SLC12A3: variants seen among roughly 807,000 people sequenced by gnomAD.
The protein encoded by SLC12A3 is Na-Cl cotransporter.
A neutral mutation model predicts 121.0 loss-of-function variants in SLC12A3; 104 were observed. The observed-to-expected ratio is 0.86, with a 90% confidence interval of 0.73 to 1.01. The LOEUF is 1.01. SLC12A3 is among the 50% of genes least tolerant of loss of function. The pLI, the probability that SLC12A3 is intolerant of heterozygous loss-of-function variation, is 0.00. For missense variants in SLC12A3, 1,328 were observed against 1,356.3 expected (o/e 0.98, Z 0.33); for synonymous variants, 536 against 533.4 (o/e 1.00, Z -0.07).
intron 19 of SLC12A3, among the ~76,000 whole-genome samples, chr16:56,890,841 G>A (rs1237850239): frequency 6.6e-6 from 1 of 150,806 alleles, no homozygotes; most frequent in Non-Finnish European, 1.5e-5. Flanking sequence ...GGTGGATGTT[G>A]CAGTGAGCCA....
intron 3 of SLC12A3, among the ~76,000 whole-genome samples, chr16:56,868,656 C>A (rs1423419621): frequency 9.2e-5 from 14 of 152,312 alleles, no homozygotes; most frequent in African/African-American, 3.4e-4. Context: ...TACCTCAAAG[C>A]GTGCAGGTTA....
intron 25 of SLC12A3, 32 bp downstream of exon 25, chr16:56,904,494 T>C (rs764180392): frequency 1.2e-6 from 2 of 1,603,620 alleles, no homozygotes; most frequent in Non-Finnish European, 1.7e-6. Context: ...GGAGGACCAG[T>C]CTGTCCAGAG....
At position 56,904,461 on chromosome 16, in the gene SLC12A3, A is replaced by G. The variant is rs1252949429; in HGVS notation, c.2923A>G (p.Ile975Val). ...CTCCCGAGACGCTGCTCTCATCGTCATGTAAGTAGTGCCCGGCTGGTGGGA... is the reference window on the plus strand; with the variant it reads ...CTCCCGAGACGCTGCTCTCATCGTCGTGTAAGTAGTGCCCGGCTGGTGGGA... ...DYSRDAALIV[I>V]TLPIGRKGKC... Residue 975 changes from isoleucine to valine, a missense_variant and splice_region_variant, in exon 25 of 26, where the codon ATC becomes GTC. Physicochemically the swap from Ile to Val is conservative, Grantham distance 29. Coordinates refer to ENST00000563236, the MANE Select transcript of SLC12A3 (RefSeq NM_001126108.2). 1 of 1,613,652 alleles carries G rather than the reference A, an allele frequency of 6.2e-7. No individual in the cohort carries two copies. Among genetic ancestry groups the G allele is most frequent in the African/African-American group, 1.3e-5 (1 of 75,018 alleles).
intron 24 of SLC12A3, 126 bp from the exon 25 acceptor site, chr16:56,904,269 T>C (rs780569035): frequency 1.1e-6 from 1 of 916,466 alleles, no homozygotes; most frequent in African/African-American, 1.6e-5. Context: ...TAAGAATTTA[T>C]GAGGCAGCAG....
At position 56,902,252 on chromosome 16, in the gene SLC12A3, C is replaced by A; in HGVS notation, c.2721-121C>A. Reference sequence around the variant, plus strand: ...AAGCCACTTTGTAAATGGCAGTGTCCGATGGGTTTCAGCCTGAAAATGGGA... The same window carrying A: ...AAGCCACTTTGTAAATGGCAGTGTCAGATGGGTTTCAGCCTGAAAATGGGA... On this transcript the variant is annotated intron_variant, in intron 23 of 25. Coordinates refer to ENST00000563236, the MANE Select transcript of SLC12A3 (RefSeq NM_001126108.2). 3.9e-6 allele frequency: 5 copies of A among 1,270,162 alleles called. No homozygotes were observed. In the South Asian group the frequency reaches 4.9e-5, roughly 12 times the overall value. The allele number at this position is 1,270,162 out of a possible 1,614,324, so 78.7% of individuals were successfully genotyped here. A position where few individuals can be genotyped will look rare whatever the true frequency, so the allele number is the denominator to read the frequency against.
rs1378916616 is a variant in SLC12A3 at position 56,913,607 on chromosome 16, T to C, written c.*202T>C. ...GGACACATTCCCTGGGTCTTGTGTT[T>C]ATAGGCTAGAGAAATAGCAGATGGA... On this transcript the variant is annotated 3_prime_UTR_variant, in exon 26 of 26. Coordinates refer to ENST00000563236, the MANE Select transcript of SLC12A3 (RefSeq NM_001126108.2). The C allele has an allele frequency of 1.5e-6, 1 of 645,550 alleles. No homozygotes were observed. Among genetic ancestry groups the C allele is most frequent in the African/African-American group, 1.8e-5 (1 of 55,836 alleles). 40.0% of individuals were successfully genotyped at this position (645,550 alleles called of 1,614,324 possible).
intron 6 of SLC12A3, among the ~76,000 whole-genome samples, chr16:56,872,048 C>T (rs1271882008): frequency 6.6e-6 from 1 of 152,010 alleles, no homozygotes; most frequent in Non-Finnish European, 1.5e-5. Flanking sequence ...GACAGAGTTT[C>T]CCCATGTTGG....
Position 56,884,072 on chromosome 16 carries a change from TACA to T in SLC12A3, c.1698_1700del (p.Asn566del), listed in dbSNP as rs778213007. The T allele has an allele frequency of 1.9e-5, 30 of 1,614,054 alleles. No individual in the cohort carries two copies. Among genetic ancestry groups the T allele is most frequent in the African/African-American group, 2.7e-5 (2 of 74,918 alleles). Reference sequence around the variant, plus strand: ...AGGGTGGAGACCTTCATTCCAATACTACAACAAGTGGGCGGCGCTGTTTGGGGC... The same window carrying T: ...AGGGTGGAGACCTTCATTCCAATACTACAAGTGGGCGGCGCTGTTTGGGGC... On this transcript the variant is annotated inframe_deletion, in exon 14 of 26. Coordinates refer to ENST00000563236, the MANE Select transcript of SLC12A3 (RefSeq NM_001126108.2).
Position 56,887,233 on chromosome 16 carries a change from T to C in SLC12A3, c.2178+140T>C, listed in dbSNP as rs1337578982. 3 of 978,810 alleles carry C rather than the reference T, an allele frequency of 3.1e-6. No individual in the cohort carries two copies. The African/African-American group carries it at 4.9e-5, about 16-fold the overall frequency. 60.6% of individuals were successfully genotyped at this position (978,810 alleles called of 1,614,324 possible). On this transcript the variant is annotated intron_variant, in intron 17 of 25. Transcript: ENST00000563236. ...AACTTTTTTTTTTTGAGACTTGTTT[T>C]ACTTGTCACCCAGGCTGGAGTGCAA...
At chr16:56,868,246 T>G in intron 2 of SLC12A3, 51 bp from the exon 3 acceptor site, 4 of 1,572,524 alleles carry the variant, frequency 2.5e-6, no homozygotes, top group Non-Finnish European at 2.6e-6. Flanking sequence ...GACTTGTCGT[T>G]TGGCCTTGGG....
At chr16:56,901,506 A>C (rs1017869768) in intron 23 of SLC12A3, among the ~76,000 whole-genome samples, 54 of 151,914 alleles carry the variant, frequency 3.6e-4, no homozygotes, top group African/African-American at 1.3e-3. Context: ...CACCCAGCTA[A>C]TTTTTGTATT....
chr16:56,865,829 G>T (rs1467392057), intron 1 of SLC12A3, among the ~76,000 whole-genome samples: 9 of 152,300 alleles, frequency 5.9e-5, no homozygotes, highest in Non-Finnish European at 1.2e-4. Flanking sequence ...GCCTGGGAAG[G>T]TTCACCTCAG....
Position 56,892,114 on chromosome 16 carries a change from G to T in SLC12A3, c.2400G>T (p.Gly800=). The change falls in exon 20 of 26, where the codon GGG becomes GGT. Residue 800 remains glycine (G), a synonymous_variant. Transcript: ENST00000563236. ...INPVFDPAED[G]KEASARVDPK... The stretch of plus-strand genomic sequence containing the variant: ...CCGTGTTTGACCCAGCGGAGGACGG[G>T]AAGGAAGCCAGCGCCAGAGGTGCCA... 1 of 1,613,984 alleles carries T rather than the reference G, an allele frequency of 6.2e-7. No individual in the cohort carries two copies. Among genetic ancestry groups the T allele is most frequent in the South Asian group, 1.1e-5 (1 of 91,062 alleles).
In SLC12A3 at chr16:56,892,935, C is replaced by T. The variant is rs369167040; in HGVS notation, c.2420-18C>T. On this transcript the variant is annotated intron_variant, in intron 20 of 25. Transcript: ENST00000563236. The stretch of plus-strand genomic sequence containing the variant: ...CGCGGCTGCTGGCTCTGCTCTGACC[C>T]GCCCCCACCTCCTGCAGTGGACCCC... 1.8e-5 allele frequency: 29 copies of T among 1,608,482 alleles called. No homozygotes were observed. Among genetic ancestry groups the T allele is most frequent in the Middle Eastern group, 1.7e-4 (1 of 6,044 alleles).
At chr16:56,891,146 G>C (rs1409509025) in intron 19 of SLC12A3, among the ~76,000 whole-genome samples, 1 of 151,996 alleles carries the variant, frequency 6.6e-6, no homozygotes, top group Non-Finnish European at 1.5e-5. Context: ...GGCTGAGGCA[G>C]GTGGATCGCT....
chr16:56,870,234 A>C lies in SLC12A3; in HGVS notation c.740A>C (p.Gln247Pro). The change falls in exon 5 of 26, where the codon CAG (glutamine) becomes CCG (proline). Residue 247 changes from glutamine to proline, a missense_variant and splice_region_variant. By Grantham distance (76) the Gln-to-Pro change is moderately conservative (BLOSUM62 -1). Transcript: ENST00000563236. ...GCAGAGACCGTGCGGGACCTGCTCC[A>C]GGTGAGGCCGGGGGGCTGGACCCTG... ...GFAETVRDLLQEYGAPIVDPI... is the reference protein window; with the variant it reads ...GFAETVRDLLPEYGAPIVDPI... The C allele has an allele frequency of 6.2e-7, 1 of 1,612,966 alleles. No homozygotes were observed. The highest frequency in any genetic ancestry group is 8.5e-7 in the Non-Finnish European group (1 of 1,179,940).
In SLC12A3 at chr16:56,893,020, G is replaced by A. The variant is rs2144744018; in HGVS notation, c.2487G>A (p.Lys829=). 2 of 1,614,236 alleles carry A rather than the reference G, an allele frequency of 1.2e-6. No individual in the cohort carries two copies. Among genetic ancestry groups the A allele is most frequent in the Non-Finnish European group, 1.7e-6 (2 of 1,180,014 alleles). Residue 829 remains lysine, a synonymous_variant, in exon 21 of 26, where the codon AAG becomes AAA. Transcript: ENST00000563236. ...TTIFQSEQGK[K]TIDIYWLFDD... is the part of the protein sequence containing the mutation. Reference sequence around the variant, plus strand: ...TCTTCCAGTCGGAGCAGGGCAAGAAGACCATAGACATCTACTGGCTCTTTG... The same window carrying A: ...TCTTCCAGTCGGAGCAGGGCAAGAAAACCATAGACATCTACTGGCTCTTTG...
chr16:56,914,508 C>T lies in SLC12A3; in HGVS notation c.*1103C>T, dbSNP rs919417669. The T allele has an allele frequency of 2.6e-5, 4 of 152,194 alleles. No homozygotes were observed. The highest frequency in any genetic ancestry group is 9.7e-5 in the African/African-American group (4 of 41,426). 9.4% of individuals were successfully genotyped at this position (152,194 alleles called of 1,614,324 possible). On this transcript the variant is annotated 3_prime_UTR_variant, in exon 26 of 26. Transcript: ENST00000563236. ...TTTGGGATCCACTCATGGGTGGGGA[C>T]CCACACATTTGAAAGGCATGGCCAC...
At chr16:56,908,180 T>TTTTTTTTTTTTTTTTTTTTTTTTTTTGG (rs2055634328) in intron 25 of SLC12A3, among the ~76,000 whole-genome samples, 1 of 148,508 alleles carries the variant, frequency 6.7e-6, no homozygotes, top group African/African-American at 2.5e-5. Context: ...TTTTTTTTTT[T>TTTTTTTTTTTTTTTTTTTTTTTTTTTGG]GAGGCAGAGT....
Sources: gnomAD v4.1 joint callset for allele counts (sites outside exome capture counted in the v4.1 genomes callset) on GRCh38, gnomAD v4.1.1 for gene constraint, MANE v1.5 for transcripts, NCBI Gene and HGNC (gene_info 2026-07-23, HGNC 2026-07-21) for gene names.